Variants in EXPH5 observed in about 807,000 individuals in gnomAD.
EXPH5 encodes exophilin-5.
EXPH5 carries 42 observed loss-of-function variants against 41.1 expected under a neutral mutation model. That is an observed-to-expected ratio of 1.02 (90% CI 0.80 to 1.32). EXPH5 has a LOEUF of 1.32. EXPH5 is among the 40% of genes most tolerant of loss of function. The probability of loss-of-function intolerance (pLI) is 0.00; values close to 1 mark genes in which losing one functional copy is unlikely to be tolerated. For synonymous variants in EXPH5, 798 were observed against 833.5 expected, an observed-to-expected ratio of 0.96 and a Z score of 0.73; for missense variants, 2,298 against 2,314.5, an observed-to-expected ratio of 0.99 and a Z score of 0.15.
chr11:108,519,497 C>T (rs748137511), intron 4 of EXPH5, among the ~76,000 whole-genome samples: 1 of 152,038 alleles, frequency 6.6e-6, no homozygotes, highest in Non-Finnish European at 1.5e-5. Context: ...CTGTAATCCC[C>T]GCACTTTGAG....
the EXPH5 span, among the ~76,000 whole-genome samples, chr11:108,601,406 GTAT>G: frequency 6.6e-6 from 1 of 152,112 alleles, no homozygotes; most frequent in South Asian, 2.1e-4. Flanking sequence ...AATAAAAATA[GTAT>G]TTCCAAGACT....
chr11:108,513,166 T>C lies in EXPH5; in HGVS notation c.2341A>G (p.Met781Val). The C allele has an allele frequency of 6.2e-7, 1 of 1,614,096 alleles. No individual in the cohort carries two copies. Reference protein sequence around the residue: ...RVFSRKDTSKMYIPHTDKSND... With the variant: ...RVFSRKDTSKVYIPHTDKSND... ...GATTTATCTGTGTGCGGTATATACA[T>C]TTTGGAGGTATCTTTCCTGGAAAAG... Residue 781 changes from methionine to valine, a missense_variant, in exon 6 of 6, where the codon ATG (methionine) becomes GTG (valine). Met to Val is a conservative substitution (Grantham distance 21, BLOSUM62 1). Coordinates refer to ENST00000265843, the MANE Select transcript of EXPH5 (RefSeq NM_015065.3).
intron 1 of EXPH5, among the ~76,000 whole-genome samples, chr11:108,579,027 C>T (rs1191179577): frequency 1.3e-5 from 2 of 152,178 alleles, no homozygotes; most frequent in Non-Finnish European, 2.9e-5. Context: ...CTAGCTAGGA[C>T]TTCCAGTATT....
At chr11:108,561,116 C>G (rs2094009750) in intron 1 of EXPH5, among the ~76,000 whole-genome samples, 2 of 152,126 alleles carry the variant, frequency 1.3e-5, no homozygotes, top group African/African-American at 2.4e-5. Context: ...TGAACTCAGT[C>G]TGTAAACAAT....
chr11:108,539,133 G>A lies in EXPH5; in HGVS notation c.334C>T (p.Pro112Ser), dbSNP rs200227967. The change falls in exon 3 of 6, where the codon CCG (proline) becomes TCG (serine). Residue 112 changes from proline (P) to serine (S), a missense_variant. Physicochemically the swap from Pro to Ser is moderately conservative, Grantham distance 74. Coordinates refer to ENST00000265843, the MANE Select transcript of EXPH5 (RefSeq NM_015065.3). ...RSKNVTNQKK[P>S]TPFSSRMSFR... ...CTCATCCGGGAAGAAAAAGGTGTCG[G>A]CTTTTTTTGATTAGTTACATTTTTA... The A allele has an allele frequency of 1.6e-5, 26 of 1,609,968 alleles. No individual in the cohort carries two copies. Among genetic ancestry groups the A allele is most frequent in the Non-Finnish European group, 2.0e-5 (23 of 1,177,642 alleles).
intron 4 of EXPH5, among the ~76,000 whole-genome samples, chr11:108,527,812 C>A (rs529071991): frequency 6.6e-6 from 1 of 152,168 alleles, no homozygotes; most frequent in Non-Finnish European, 1.5e-5. Flanking sequence ...GGCTGGCAAA[C>A]GTGGCTGTGG....
intron 3 of EXPH5, among the ~76,000 whole-genome samples, chr11:108,532,947 CTTG>C: frequency 6.6e-6 from 1 of 152,292 alleles, no homozygotes; most frequent in East Asian, 1.9e-4. Flanking sequence ...CTACTTCCTT[CTTG>C]TTGTCCTCAC....
At chr11:108,566,888 T>C (rs1565826187) in intron 1 of EXPH5, among the ~76,000 whole-genome samples, 1 of 152,102 alleles carries the variant, frequency 6.6e-6, no homozygotes, top group Non-Finnish European at 1.5e-5. Context: ...TCAACACAGA[T>C]AGCACCAACA....
intron 1 of EXPH5, among the ~76,000 whole-genome samples, chr11:108,574,901 G>C (rs1298588956): frequency 6.6e-6 from 1 of 152,108 alleles, no homozygotes; most frequent in Non-Finnish European, 1.5e-5. Context: ...GTGATGTCTG[G>C]AGCAGCTGCA....
chr11:108,547,130 C>T (rs968269102), intron 1 of EXPH5, among the ~76,000 whole-genome samples: 12 of 151,974 alleles, frequency 7.9e-5, no homozygotes, highest in African/African-American at 2.9e-4. Context: ...AGTGCCTCTG[C>T]CAGACACTAA....
In EXPH5 at chr11:108,513,755, G is replaced by A. The variant is rs1462411181; in HGVS notation, c.1752C>T (p.Ser584=). 6.2e-7 allele frequency: 1 copy of A among 1,608,530 alleles called. No homozygotes were observed. The highest frequency in any genetic ancestry group is 8.5e-7 in the Non-Finnish European group (1 of 1,177,898). ...TGACGTGATAGCTTGAACCAGTCAT[G>A]GAGCAAACATTTGGTGTGCCAAAAT... ...TPHFGTPNVC[S]MTGSSYHVKS... Residue 584 remains serine, a synonymous_variant, in exon 6 of 6, where the codon TCC becomes TCT. Coordinates refer to ENST00000265843, the MANE Select transcript of EXPH5 (RefSeq NM_015065.3).
chr11:108,522,997 T>C (rs1483060515), intron 4 of EXPH5, among the ~76,000 whole-genome samples: 1 of 151,922 alleles, frequency 6.6e-6, no homozygotes, highest in African/African-American at 2.4e-5. Context: ...TCCTCCCACC[T>C]CAGCCTCTTG....
At chr11:108,575,957 G>A (rs1019123992) in intron 1 of EXPH5, among the ~76,000 whole-genome samples, 34 of 152,092 alleles carry the variant, frequency 2.2e-4, no homozygotes, top group Non-Finnish European at 8.8e-5. Context: ...ATGAGACTCC[G>A]TATCAAAATA....
At chr11:108,518,060 T>G (rs377261345) in intron 5 of EXPH5, among the ~76,000 whole-genome samples, 175 bp downstream of exon 5, 9 of 152,218 alleles carry the variant, frequency 5.9e-5, no homozygotes, top group African/African-American at 2.2e-4. Flanking sequence ...AATCATAAGA[T>G]TCTTAATACT....
intron 1 of EXPH5, among the ~76,000 whole-genome samples, chr11:108,547,586 C>T (rs1375833976): frequency 6.6e-6 from 1 of 152,210 alleles, no homozygotes; most frequent in East Asian, 1.9e-4. Flanking sequence ...ATGTACAAGT[C>T]TGCCACTAGG....
chr11:108,539,732 A>G (rs2093901924), intron 2 of EXPH5, among the ~76,000 whole-genome samples: 1 of 152,198 alleles, frequency 6.6e-6, no homozygotes, highest in Non-Finnish European at 1.5e-5. Flanking sequence ...CCTAAACCCG[A>G]AAAACTTGAA....
upstream of EXPH5, among the ~76,000 whole-genome samples, chr11:108,596,751 C>A (rs2094139327): frequency 1.3e-5 from 2 of 152,132 alleles, no homozygotes; most frequent in African/African-American, 4.8e-5. Context: ...CATGCTTCAG[C>A]CCTGGGTTGT....
Position 108,506,537 on chromosome 11 carries a change from C to T in EXPH5, c.*3000G>A, listed in dbSNP as rs955633498. On this transcript the variant is annotated 3_prime_UTR_variant, in exon 6 of 6. Coordinates refer to ENST00000265843, the MANE Select transcript of EXPH5 (RefSeq NM_015065.3). Reference sequence around the variant, plus strand: ...GAAAAATAAGCTAACTTCATTTCACCTTTTGTAGCATACACGTAGACTCAG... The same window carrying T: ...GAAAAATAAGCTAACTTCATTTCACTTTTTGTAGCATACACGTAGACTCAG... 1.3e-5 allele frequency: 2 copies of T among 151,958 alleles called. No individual in the cohort carries two copies. The highest frequency in any genetic ancestry group is 2.9e-5 in the Non-Finnish European group (2 of 68,008). The allele number at this position is 151,958 out of a possible 1,614,324, so 9.4% of individuals were successfully genotyped here.
At position 108,549,967 on chromosome 11, in the gene EXPH5, C is replaced by T. The variant is rs117362755; in HGVS notation, c.120-8155G>A. On this transcript the variant is annotated intron_variant, in intron 1 of 5. Coordinates refer to ENST00000265843, the MANE Select transcript of EXPH5 (RefSeq NM_015065.3). ...AAAGTGGATGAACAGGTACAGTCAA[C>T]AGCTGGAAAATTCAAGGTTCGGGTA... 1.1e-3 allele frequency among the ~76,000 whole-genome samples: 164 copies of T among 152,276 alleles called. 2 individuals are homozygous for T. In the East Asian group the frequency reaches 0.024, roughly 23 times the overall value.
Sources: gnomAD v4.1 joint callset for allele counts (sites outside exome capture counted in the v4.1 genomes callset) on GRCh38, gnomAD v4.1.1 for gene constraint, MANE v1.5 for transcripts, NCBI Gene and HGNC (gene_info 2026-07-23, HGNC 2026-07-21) for gene names.